NEDD4L: variants seen among roughly 807,000 people sequenced by gnomAD.
NEDD4L encodes the protein E3 ubiquitin-protein ligase NEDD4-like.
A neutral mutation model predicts 148.9 loss-of-function variants in NEDD4L; 54 were observed. The observed-to-expected ratio is 0.36, with a 90% confidence interval of 0.29 to 0.45. NEDD4L has a LOEUF of 0.45. Among genes scored for constraint, NEDD4L ranks in the 20% least tolerant of loss-of-function variants. NEDD4L has a pLI of 1.00. For missense variants in NEDD4L, 856 were observed against 1,233.8 expected (o/e 0.69, Z 4.59); for synonymous variants, 433 against 440.7 (o/e 0.98, Z 0.22).
intron 24 of NEDD4L, among the ~76,000 whole-genome samples, chr18:58,378,946 A>C (rs893553069): frequency 5.3e-5 from 8 of 152,220 alleles, no homozygotes; most frequent in Non-Finnish European, 1.2e-4. Flanking sequence ...AAGAGAGCCA[A>C]GTTTATGCTG....
At chr18:58,246,833 A>G (rs1555764007) in intron 3 of NEDD4L, among the ~76,000 whole-genome samples, 1 of 152,022 alleles carries the variant, frequency 6.6e-6, no homozygotes, top group Non-Finnish European at 1.5e-5. Context: ...ATATGTAAAT[A>G]TTTTTTACCC....
At chr18:58,099,732 A>T (rs1297099790) in intron 1 of NEDD4L, among the ~76,000 whole-genome samples, 1 of 152,136 alleles carries the variant, frequency 6.6e-6, no homozygotes, top group Non-Finnish European at 1.5e-5. Context: ...TGGGCATTTG[A>T]GGTAGACTCT....
intron 1 of NEDD4L, among the ~76,000 whole-genome samples, chr18:58,141,551 C>T (rs2033506925): frequency 6.6e-6 from 1 of 152,004 alleles, no homozygotes; most frequent in African/African-American, 2.4e-5. Context: ...GTTCCTACTC[C>T]TATTCTGAAA....
At chr18:58,221,939 C>T (rs1263401927) in intron 2 of NEDD4L, among the ~76,000 whole-genome samples, 1 of 152,120 alleles carries the variant, frequency 6.6e-6, no homozygotes. Flanking sequence ...CAATTTTACC[C>T]TCCTTATGCA....
intron 2 of NEDD4L, among the ~76,000 whole-genome samples, chr18:58,230,677 A>G (rs2045064292): frequency 1.3e-5 from 2 of 152,192 alleles, no homozygotes; most frequent in South Asian, 4.1e-4. Flanking sequence ...TTTCCGAAGA[A>G]GGTCAACATT....
At chr18:58,342,824 G>T (rs2042598780) in intron 15 of NEDD4L, 82 bp from the exon 16 acceptor site, 27 of 1,093,604 alleles carry the variant, frequency 2.5e-5, no homozygotes, top group Non-Finnish European at 3.3e-5. Context: ...CCAAAGAGAA[G>T]CCTTCTGCAA....
chr18:58,044,753 T>C, intron 1 of NEDD4L, 45 bp downstream of exon 1: 1 of 1,590,420 alleles, frequency 6.3e-7, no homozygotes, highest in Non-Finnish European at 8.6e-7. Flanking sequence ...GGGGAGTTCC[T>C]ATCCCGCGCC....
At chr18:58,052,733 G>A (rs550802874) in intron 1 of NEDD4L, among the ~76,000 whole-genome samples, 1 of 152,098 alleles carries the variant, frequency 6.6e-6, no homozygotes, top group East Asian at 1.9e-4. Flanking sequence ...TGGGAGGCCA[G>A]GGCAGGCAGA....
intron 13 of NEDD4L, among the ~76,000 whole-genome samples, chr18:58,339,956 T>C (rs558738445): frequency 1.3e-5 from 2 of 152,334 alleles, no homozygotes; most frequent in South Asian, 2.1e-4. Context: ...TGCTAAAATA[T>C]CTGGAAGTAA....
At chr18:58,395,144 C>T (rs945300590) in intron 30 of NEDD4L, among the ~76,000 whole-genome samples, 1 of 152,168 alleles carries the variant, frequency 6.6e-6, no homozygotes, top group African/African-American at 2.4e-5. Flanking sequence ...ATGGTGAGCA[C>T]TCCATGAACA....
At chr18:58,343,684 G>A (rs754232580) in intron 16 of NEDD4L, among the ~76,000 whole-genome samples, 2 of 152,150 alleles carry the variant, frequency 1.3e-5, no homozygotes, top group Non-Finnish European at 2.9e-5. Context: ...TTCTTACCAT[G>A]CAACTCTTTC....
At position 58,383,230 on chromosome 18, in the gene NEDD4L, G is replaced by A. The variant is rs1475394445; in HGVS notation, c.2353-16G>A. On this transcript the variant is annotated splice_polypyrimidine_tract_variant and intron_variant, in intron 24 of 30. Coordinates refer to ENST00000400345, the MANE Select transcript of NEDD4L (RefSeq NM_001144967.3). ...ACTTCGTGATAGTAATTGTTGTTTT[G>A]TCTTTGTAATTACAGACATATCAAG... 1.5e-6 allele frequency: 2 copies of A among 1,369,992 alleles called. No individual in the cohort carries two copies. Among genetic ancestry groups the A allele is most frequent in the East Asian group, 2.5e-5 (1 of 40,094 alleles). The allele number at this position is 1,369,992 out of a possible 1,614,324, so 84.9% of individuals were successfully genotyped here.
intron 1 of NEDD4L, among the ~76,000 whole-genome samples, chr18:58,095,401 G>A (rs943043425): frequency 3.3e-5 from 5 of 152,198 alleles, no homozygotes; most frequent in African/African-American, 4.8e-5. Flanking sequence ...AAGCCAGTTC[G>A]GGCAGAGGGA....
At chr18:58,193,621 C>A (rs1018022124) in intron 2 of NEDD4L, among the ~76,000 whole-genome samples, 8 of 152,168 alleles carry the variant, frequency 5.3e-5, no homozygotes, top group Non-Finnish European at 1.2e-4. Flanking sequence ...GTAAATATTC[C>A]CCTCAGGTTG....
chr18:58,373,660 T>G lies in NEDD4L; in HGVS notation c.2352+391T>G, dbSNP rs544738060. On this transcript the variant is annotated intron_variant, in intron 24 of 30. Transcript: ENST00000400345. ...GTTGGAAGGGCCATTGGTTTTTCTCTCTGTTTTATGGTTCTGTTGTCATGG... is the reference window on the plus strand; with the variant it reads ...GTTGGAAGGGCCATTGGTTTTTCTCGCTGTTTTATGGTTCTGTTGTCATGG... Among the ~76,000 whole-genome samples the G allele has an allele frequency of 1.2e-4, 19 of 152,354 alleles. No individual in the cohort carries two copies. The East Asian group carries it at 3.7e-3, about 29-fold the overall frequency.
chr18:58,047,468 T>C, intron 1 of NEDD4L: 2 of 985,470 alleles, frequency 2.0e-6, no homozygotes, highest in Non-Finnish European at 2.4e-6. Flanking sequence ...GCTTAGGTGC[T>C]GTTCCTTGCG....
chr18:58,220,621 C>G (rs2043641692), intron 2 of NEDD4L, among the ~76,000 whole-genome samples: 1 of 152,138 alleles, frequency 6.6e-6, no homozygotes, highest in South Asian at 2.1e-4. Context: ...AGCTGAGATG[C>G]CAGGAACACT....
chr18:58,292,459 G>A (rs1412713732), intron 5 of NEDD4L, among the ~76,000 whole-genome samples: 3 of 151,960 alleles, frequency 2.0e-5, no homozygotes, highest in African/African-American at 4.8e-5. Flanking sequence ...CACCTCACCC[G>A]CCACCTCACT....
intron 27 of NEDD4L, 66 bp from the exon 28 acceptor site, chr18:58,389,019 A>C: frequency 7.6e-7 from 1 of 1,314,798 alleles, no homozygotes; most frequent in Non-Finnish European, 1.1e-6. Flanking sequence ...GAGGGTGGTC[A>C]TTTCTCAGTG....
Sources: allele counts gnomAD v4.1 joint callset (sites outside exome capture counted in the v4.1 genomes callset), GRCh38; gene constraint gnomAD v4.1.1; transcripts MANE v1.5; gene names NCBI Gene and HGNC (gene_info 2026-07-23, HGNC 2026-07-21).